PDGFC: variants seen among roughly 807,000 people sequenced by gnomAD.
The protein encoded by PDGFC is platelet derived growth factor C.
In PDGFC, 12 loss-of-function variants were observed where a neutral mutation model predicts 35.5. The ratio of observed to expected loss-of-function variants is 0.34; its 90% CI spans 0.22 to 0.55. PDGFC has a LOEUF of 0.55. PDGFC is among the 20% of genes least tolerant of loss of function. The pLI, the probability that PDGFC is intolerant of heterozygous loss-of-function variation, is 0.91. For missense variants in PDGFC, 322 were observed against 412.4 expected, an observed-to-expected ratio of 0.78 and a Z score of 1.90; for synonymous variants, 159 against 148.8, an observed-to-expected ratio of 1.07 and a Z score of -0.50.
At chr4:156,842,367 A>T (rs570206117) in intron 2 of PDGFC, 1 of 149,702 alleles carries the variant, frequency 6.7e-6, no homozygotes, top group Non-Finnish European at 1.5e-5. Flanking sequence ...TTAATCCATC[A>T]AGCAGAAAAA....
intron 4 of PDGFC, 90 bp from the exon 5 acceptor site, chr4:156,768,080 T>C: frequency 1.3e-6 from 1 of 793,390 alleles, no homozygotes. Context: ...AAAGAAATCT[T>C]ACGTTATTTC....
At chr4:156,786,737 C>A (rs1731138442) in intron 3 of PDGFC, among the ~76,000 whole-genome samples, 1 of 152,040 alleles carries the variant, frequency 6.6e-6, no homozygotes, top group African/African-American at 2.4e-5. Flanking sequence ...AGTATGGCCC[C>A]AAAATTATAA....
intron 1 of PDGFC, among the ~76,000 whole-genome samples, chr4:156,864,722 C>G (rs894879158): frequency 2.0e-5 from 3 of 152,086 alleles, no homozygotes; most frequent in Non-Finnish European, 1.5e-5. Context: ...AAGGATGACC[C>G]AGACAGAAGA....
chr4:156,774,274 TATA>T (rs1269015058), intron 3 of PDGFC: 1 of 152,250 alleles, frequency 6.6e-6, no homozygotes, highest in Admixed American at 6.5e-5. Flanking sequence ...CTACTGCACA[TATA>T]ATATCATCTC....
At chr4:156,893,040 C>T (rs1730550797) in intron 1 of PDGFC, among the ~76,000 whole-genome samples, 1 of 151,998 alleles carries the variant, frequency 6.6e-6, no homozygotes, top group Admixed American at 6.6e-5. Flanking sequence ...TTAACCAGGA[C>T]CTTATAAAAT....
chr4:156,837,335 T>G (rs1302007539), intron 2 of PDGFC, among the ~76,000 whole-genome samples: 1 of 152,026 alleles, frequency 6.6e-6, no homozygotes, highest in African/African-American at 2.4e-5. Context: ...GCCGAGATTG[T>G]GCCACTGCAC....
intron 1 of PDGFC, among the ~76,000 whole-genome samples, chr4:156,906,195 C>A (rs1014864245): frequency 6.6e-6 from 1 of 152,118 alleles, no homozygotes; most frequent in Admixed American, 6.5e-5. Flanking sequence ...TGTACCCAAA[C>A]AATTAAATAC....
chr4:156,937,545 C>CA (rs113776344), intron 1 of PDGFC, among the ~76,000 whole-genome samples: 1 of 151,950 alleles, frequency 6.6e-6, no homozygotes, highest in African/African-American at 2.4e-5. Context: ...ACAAAGAATA[C>CA]AAAAAATTCA....
At chr4:156,804,177 A>G (rs1731692166) in intron 3 of PDGFC, among the ~76,000 whole-genome samples, 2 of 152,092 alleles carry the variant, frequency 1.3e-5, no homozygotes, top group Admixed American at 1.3e-4. Flanking sequence ...AAAATTCACC[A>G]AAATCTTGAA....
chr4:156,785,512 C>G (rs939876729), intron 3 of PDGFC, among the ~76,000 whole-genome samples: 1 of 152,114 alleles, frequency 6.6e-6, no homozygotes, highest in African/African-American at 2.4e-5. Context: ...CTGTGCCCGG[C>G]CCTAAGTTTA....
intron 3 of PDGFC, among the ~76,000 whole-genome samples, chr4:156,773,958 G>A (rs182307055): frequency 6.6e-6 from 1 of 152,118 alleles, no homozygotes; most frequent in Non-Finnish European, 1.5e-5. Context: ...TTCCATCCTG[G>A]GCTCCATACT....
chr4:156,931,969 A>G (rs995365529), intron 1 of PDGFC, among the ~76,000 whole-genome samples: 6 of 152,196 alleles, frequency 3.9e-5, no homozygotes, highest in East Asian at 1.9e-4. Flanking sequence ...CATCTGCAAT[A>G]CTAACCCTGA....
intron 2 of PDGFC, among the ~76,000 whole-genome samples, chr4:156,841,197 A>G (rs919020007): frequency 4.6e-5 from 7 of 152,092 alleles, no homozygotes; most frequent in African/African-American, 9.7e-5. Flanking sequence ...CCCAAATCAC[A>G]TCTTGAATTG....
At chr4:156,842,060 G>A (rs750213608) in intron 2 of PDGFC, 9 of 151,814 alleles carry the variant, frequency 5.9e-5, no homozygotes, top group Non-Finnish European at 8.8e-5. Flanking sequence ...TGTTCAACAC[G>A]AAGAAAAAAG....
intron 3 of PDGFC, among the ~76,000 whole-genome samples, chr4:156,784,378 G>A (rs1020350450): frequency 1.3e-5 from 2 of 152,172 alleles, no homozygotes; most frequent in African/African-American, 4.8e-5. Flanking sequence ...AGGAGTAGAA[G>A]AGGGAGAATA....
chr4:156,886,073 G>A (rs1328706536), intron 1 of PDGFC, among the ~76,000 whole-genome samples: 1 of 151,982 alleles, frequency 6.6e-6, no homozygotes, highest in Non-Finnish European at 1.5e-5. Flanking sequence ...TTAAAATCTT[G>A]CATTTAAAAA....
chr4:156,832,190 C>T lies in PDGFC; in HGVS notation c.314+18031G>A, dbSNP rs574480880. ...CTCCATGCACTATTTCTCCACACCA[C>T]TTCAAGGCTTATCTTCCTTAAAAAC... On this transcript the variant is annotated intron_variant, in intron 2 of 5. Coordinates refer to ENST00000502773, the MANE Select transcript of PDGFC (RefSeq NM_016205.3). Among the ~76,000 whole-genome samples, 3 of 149,938 alleles carry T rather than the reference C, an allele frequency of 2.0e-5. No homozygotes were observed. The South Asian group carries it at 6.4e-4, about 32-fold the overall frequency.
chr4:156,945,920 G>A (rs538682910), intron 1 of PDGFC, among the ~76,000 whole-genome samples: 42 of 152,042 alleles, frequency 2.8e-4, no homozygotes, highest in Non-Finnish European at 4.7e-4. Context: ...GATCGCGTCT[G>A]ATCCAAATCA....
At chr4:156,773,481 G>A (rs1212467636) in intron 3 of PDGFC, among the ~76,000 whole-genome samples, 1 of 152,078 alleles carries the variant, frequency 6.6e-6, no homozygotes, top group African/African-American at 2.4e-5. Context: ...AGAGATCGGA[G>A]GGACACTGGA....
Sources: gnomAD v4.1 joint callset for allele counts (sites outside exome capture counted in the v4.1 genomes callset) on GRCh38, gnomAD v4.1.1 for gene constraint, MANE v1.5 for transcripts, NCBI Gene and HGNC (gene_info 2026-07-23, HGNC 2026-07-21) for gene names.